Variants in LONRF2 observed in about 807,000 individuals in gnomAD.
LONRF2 encodes LON peptidase N-terminal domain and RING finger protein 2.
In LONRF2, 35 loss-of-function variants were observed where a neutral mutation model predicts 66.6. That is an observed-to-expected ratio of 0.53 (90% CI 0.40 to 0.70). The LOEUF (loss-of-function observed/expected upper bound fraction) is 0.70, where lower values mean the gene tolerates loss of function less well. LONRF2 is among the 30% of genes least tolerant of loss of function. The pLI is 0.00. For synonymous variants in LONRF2, 417 were observed against 418.1 expected (o/e 1.00, Z 0.03); for missense variants, 902 against 1,002.1 (o/e 0.90, Z 1.35).
At position 100,284,475 on chromosome 2, in the gene LONRF2, A is replaced by G. The variant is rs1674804350; in HGVS notation, c.2088T>C (p.Pro696=). Residue 696 remains proline (P), a synonymous_variant, in exon 12 of 12, where the codon CCT becomes CCC. Transcript: ENST00000393437. The stretch of plus-strand genomic sequence containing the variant: ...CGGCCAGGATCCACCAGGACCAGGC[A>G]GGGCCGCTGGGATTACTCTGCAAAA... The part of the protein sequence containing the change: ...EPEPQSNPSG[P]AWSWWILAVL... 1 of 1,594,272 alleles carries G rather than the reference A, an allele frequency of 6.3e-7. No individual in the cohort carries two copies. Among genetic ancestry groups the G allele is most frequent in the Non-Finnish European group, 8.5e-7 (1 of 1,170,778 alleles).
At chr2:100,309,053 G>A (rs1470627908) in intron 2 of LONRF2, 54 bp downstream of exon 2, 3 of 1,232,674 alleles carry the variant, frequency 2.4e-6, no homozygotes, top group Non-Finnish European at 3.4e-6. Flanking sequence ...TTGTTTTTAA[G>A]AAAATCATAT....
At chr2:100,321,334 C>A in intron 1 of LONRF2, 81 bp downstream of exon 1, 1 of 1,221,032 alleles carries the variant, frequency 8.2e-7, no homozygotes. Context: ...CCCAAAGCCT[C>A]GGGCCCACCG....
At position 100,284,191 on chromosome 2, in the gene LONRF2, C is replaced by T. The variant is rs904699525; in HGVS notation, c.*107G>A. ...GTTTGGCAAGCGTCCCATTTTGGAA[C>T]CTCATCCACAAGCACTTGATGAAGC... On this transcript the variant is annotated 3_prime_UTR_variant, in exon 12 of 12. Transcript: ENST00000393437. 1 of 1,066,934 alleles carries T rather than the reference C, an allele frequency of 9.4e-7. No homozygotes were observed. Among genetic ancestry groups the T allele is most frequent in the African/African-American group, 1.6e-5 (1 of 61,530 alleles). The allele number at this position is 1,066,934 out of a possible 1,614,324, so 66.1% of individuals were successfully genotyped here. A position where few individuals can be genotyped will look rare whatever the true frequency, so the allele number is the denominator to read the frequency against.
At chr2:100,304,621 G>A (rs1573120450) in intron 2 of LONRF2, among the ~76,000 whole-genome samples, 1 of 116,526 alleles carries the variant, frequency 8.6e-6, no homozygotes, top group South Asian at 2.7e-4. Context: ...AATTTTAGTT[G>A]ACTGTTTTTT....
At chr2:100,297,695 A>C (rs1194084208) in intron 7 of LONRF2, among the ~76,000 whole-genome samples, 1 of 152,188 alleles carries the variant, frequency 6.6e-6, no homozygotes, top group African/African-American at 2.4e-5. Flanking sequence ...CCACCAAGGA[A>C]ACAGCTCTGC....
At chr2:100,300,025 G>GT in intron 4 of LONRF2, 107 bp from the exon 5 acceptor site, 1 of 518,308 alleles carries the variant, frequency 1.9e-6, no homozygotes, top group African/African-American at 2.1e-5. Context: ...AAAAAGGGGG[G>GT]GGCATACACT....
rs950065591 is a variant in LONRF2 at position 100,284,220 on chromosome 2, A to G, written c.*78T>C. ...ATCCACAAGCACTTGATGAAGCACAATGAATGGACGGCTATTCGTCCATGC... is the reference window on the plus strand; with the variant it reads ...ATCCACAAGCACTTGATGAAGCACAGTGAATGGACGGCTATTCGTCCATGC... On this transcript the variant is annotated 3_prime_UTR_variant, in exon 12 of 12. Coordinates refer to ENST00000393437, the MANE Select transcript of LONRF2 (RefSeq NM_198461.4). 104 of 1,333,158 alleles carry G rather than the reference A, an allele frequency of 7.8e-5. No individual in the cohort carries two copies. The highest frequency in any genetic ancestry group is 1.0e-4 in the Non-Finnish European group (103 of 1,000,004). 82.6% of individuals were successfully genotyped at this position (1,333,158 alleles called of 1,614,324 possible).
chr2:100,294,332 A>G lies in LONRF2; in HGVS notation c.1654T>C (p.Cys552Arg), dbSNP rs1675021548. ...CGGGGCTCAAAAACGTGGAGTGGAC[A>G]TGGGACCGTGGGGAAGGCCATGGCA... ...VCAMAFPTVPCPLHVFEPRYR... is the reference protein window; with the variant it reads ...VCAMAFPTVPRPLHVFEPRYR... Residue 552 changes from cysteine to arginine, a missense_variant, in exon 9 of 12, where the codon TGT (cysteine) becomes CGT (arginine). Cys to Arg is a radical substitution (Grantham distance 180, BLOSUM62 -3). Transcript: ENST00000393437. 2 of 1,608,138 alleles carry G rather than the reference A, an allele frequency of 1.2e-6. No homozygotes were observed. Among genetic ancestry groups the G allele is most frequent in the Non-Finnish European group, 8.5e-7 (1 of 1,177,802 alleles).
intron 6 of LONRF2, 91 bp from the exon 7 acceptor site, chr2:100,299,041 C>A: frequency 9.7e-7 from 1 of 1,033,352 alleles, no homozygotes; most frequent in Non-Finnish European, 1.5e-6. Flanking sequence ...ATGCAATCCC[C>A]TTTCTGTTCT....
chr2:100,282,683 T>C lies in LONRF2; in HGVS notation c.*1615A>G, dbSNP rs1477531493. The C allele has an allele frequency of 1.3e-5, 2 of 152,220 alleles. No homozygotes were observed. Among genetic ancestry groups the C allele is most frequent in the Non-Finnish European group, 2.9e-5 (2 of 68,048 alleles). 9.4% of individuals were successfully genotyped at this position (152,220 alleles called of 1,614,324 possible). A position where few individuals can be genotyped will look rare whatever the true frequency, so the allele number is the denominator to read the frequency against. On this transcript the variant is annotated 3_prime_UTR_variant, in exon 12 of 12. Transcript: ENST00000393437. ...CTGCCATTAAACCATCTCAAGATGA[T>C]ATTTGAGATTCACAATAAGTGAGGC... is the stretch of plus-strand genomic sequence containing the variant.
rs1232165904 is a variant in LONRF2, at chr2:100,309,304, A to T, written c.680-79T>A. The T allele has an allele frequency of 2.0e-5, 16 of 807,186 alleles. No individual in the cohort carries two copies. The African/African-American group carries it at 2.4e-4, about 12-fold the overall frequency. The allele number at this position is 807,186 out of a possible 1,614,324, so 50.0% of individuals were successfully genotyped here. A position where few individuals can be genotyped will look rare whatever the true frequency, so the allele number is the denominator to read the frequency against. On this transcript the variant is annotated intron_variant, in intron 1 of 11. Coordinates refer to ENST00000393437, the MANE Select transcript of LONRF2 (RefSeq NM_198461.4). ...TAATCTTAATGTCATTACATATATTAAAGTGTATATATACATATGTATAAA... is the reference window on the plus strand; with the variant it reads ...TAATCTTAATGTCATTACATATATTTAAGTGTATATATACATATGTATAAA...
intron 2 of LONRF2, among the ~76,000 whole-genome samples, chr2:100,305,888 GTTATTA>G (rs973945656): frequency 5.9e-5 from 9 of 152,042 alleles, no homozygotes; most frequent in African/African-American, 2.2e-4. Context: ...GTACAAAATT[GTTATTA>G]TTATTATTTT....
intron 9 of LONRF2, among the ~76,000 whole-genome samples, chr2:100,293,172 G>A (rs1055381103): frequency 6.6e-6 from 1 of 152,184 alleles, no homozygotes. Flanking sequence ...AATTACTCTG[G>A]ATTTGTGGAA....
chr2:100,304,079 C>A (rs2105728496), intron 2 of LONRF2, among the ~76,000 whole-genome samples: 1 of 152,032 alleles, frequency 6.6e-6, no homozygotes, highest in East Asian at 1.9e-4. Flanking sequence ...ATTATTTTGC[C>A]ATGTATAATG....
In LONRF2 at chr2:100,272,356, G is replaced by A. The variant is rs549039497; in HGVS notation, c.*11942C>T. ...TCCATAGAAAGTAAAAAAATTAGCC[G>A]GGTATAGCGGCATGCACCTGTGGTC... is the stretch of plus-strand genomic sequence containing the variant. On this transcript the variant is annotated 3_prime_UTR_variant, in exon 12 of 12. Transcript: ENST00000393437. Among the ~76,000 whole-genome samples the A allele has an allele frequency of 1.8e-4, 28 of 152,126 alleles. No individual in the cohort carries two copies. Among genetic ancestry groups the A allele is most frequent in the African/African-American group, 6.5e-4 (27 of 41,506 alleles).
chr2:100,272,337 G>A lies in LONRF2; in HGVS notation c.*11961C>T, dbSNP rs529162417. Among the ~76,000 whole-genome samples, 1 of 152,114 alleles carries A rather than the reference G, an allele frequency of 6.6e-6. No homozygotes were observed. The highest frequency in any genetic ancestry group is 1.5e-5 in the Non-Finnish European group (1 of 67,980). ...AACACAGCTAGACCTCGTCTCCATA[G>A]AAAGTAAAAAAATTAGCCGGGTATA... On this transcript the variant is annotated 3_prime_UTR_variant, in exon 12 of 12. Coordinates refer to ENST00000393437, the MANE Select transcript of LONRF2 (RefSeq NM_198461.4).
chr2:100,301,902 A>G (rs969407071), intron 3 of LONRF2, among the ~76,000 whole-genome samples: 1 of 152,242 alleles, frequency 6.6e-6, no homozygotes, highest in Non-Finnish European at 1.5e-5. Flanking sequence ...TATTATTTTG[A>G]CAAGTTGAAA....
intron 5 of LONRF2, 76 bp from the exon 6 acceptor site, chr2:100,299,395 C>T: frequency 1.1e-6 from 1 of 871,596 alleles, no homozygotes; most frequent in Non-Finnish European, 1.7e-6. Context: ...AATGTATTTT[C>T]TCTGGACCAA....
chr2:100,310,762 T>C (rs1230014039), intron 1 of LONRF2, among the ~76,000 whole-genome samples: 1 of 152,228 alleles, frequency 6.6e-6, no homozygotes, highest in East Asian at 1.9e-4. Context: ...GTAACTATTT[T>C]AGGCTTTGCA....
Sources: gnomAD v4.1 joint callset for allele counts (sites outside exome capture counted in the v4.1 genomes callset) on GRCh38, gnomAD v4.1.1 for gene constraint, MANE v1.5 for transcripts, NCBI Gene and HGNC (gene_info 2026-07-23, HGNC 2026-07-21) for gene names.